Variants in TASOR2 observed in about 807,000 individuals in gnomAD.
The protein encoded by TASOR2 is protein TASOR 2.
Under a neutral mutation model 199.5 loss-of-function variants are expected in TASOR2, and 84 were observed. The ratio of observed to expected loss-of-function variants is 0.42; its 90% CI spans 0.35 to 0.50. The LOEUF is 0.50. Among genes scored for constraint, TASOR2 ranks in the 20% least tolerant of loss-of-function variants. The pLI is 0.02. For missense variants in TASOR2, 2,796 were observed against 2,835.9 expected, an observed-to-expected ratio of 0.99 and a Z score of 0.32; for synonymous variants, 1,103 against 1,046.6, an observed-to-expected ratio of 1.05 and a Z score of -1.04.
intron 1 of TASOR2, among the ~76,000 whole-genome samples, chr10:5,708,204 C>T (rs552124717): frequency 6.6e-6 from 1 of 152,136 alleles, no homozygotes; most frequent in South Asian, 2.1e-4. Flanking sequence ...TCTCTCCCTT[C>T]TTCCCTTAAT....
At chr10:5,721,024 T>C (rs554058478) in intron 6 of TASOR2, 54 bp downstream of exon 7, 2 of 1,405,850 alleles carry the variant, frequency 1.4e-6, no homozygotes, top group Non-Finnish European at 2.0e-6. Context: ...AGTTTTGGGG[T>C]TTTTTTTCCT....
chr10:5,741,665 A>ATTT (rs1836447417), intron 13 of TASOR2, among the ~76,000 whole-genome samples: 3 of 152,240 alleles, frequency 2.0e-5, no homozygotes. Flanking sequence ...GACTTTCTCA[A>ATTT]TTATTAGAAG....
At chr10:5,686,135 A>C (rs548724485) in intron 1 of TASOR2, among the ~76,000 whole-genome samples, 2 of 152,330 alleles carry the variant, frequency 1.3e-5, no homozygotes, top group African/African-American at 4.8e-5. Flanking sequence ...TGTACTGTAC[A>C]TCAATAAATA....
intron 10 of TASOR2, among the ~76,000 whole-genome samples, chr10:5,728,339 T>A (rs7082754): frequency 0.85 from 129,378 of 152,226 alleles, 55,050 homozygotes; most frequent in African/African-American, 0.88. Flanking sequence ...AAAGTTTTTT[T>A]AAAAAATTCA....
rs527265796 is a variant in TASOR2 at position 5,752,310 on chromosome 10, C to T, written c.6606+2283C>T. Reference sequence around the variant, plus strand: ...AAATGTGACGCAGGTGCCACGAGGACGCATTGAGGGTGATTGGCCTGGCCG... The same window carrying T: ...AAATGTGACGCAGGTGCCACGAGGATGCATTGAGGGTGATTGGCCTGGCCG... On this transcript the variant is annotated intron_variant, in intron 15 of 20. Coordinates refer to ENST00000328090, the Ensembl canonical transcript of TASOR2. This position sits in a 1 kb window ranked among gnomAD's most constrained non-coding sequence, Gnocchi z 4.4. 6.6e-5 allele frequency among the ~76,000 whole-genome samples: 10 copies of T among 152,260 alleles called. No individual in the cohort carries two copies. The East Asian group carries it at 1.4e-3, about 21-fold the overall frequency.
At chr10:5,727,800 C>T (rs1564304908) in intron 10 of TASOR2, among the ~76,000 whole-genome samples, 1 of 152,180 alleles carries the variant, frequency 6.6e-6, no homozygotes, top group Non-Finnish European at 1.5e-5. Flanking sequence ...GCTTATTTAT[C>T]ATTCATATAG....
intron 19 of TASOR2, among the ~76,000 whole-genome samples, chr10:5,762,096 C>T (rs1300267661): frequency 2.0e-5 from 3 of 151,958 alleles, no homozygotes; most frequent in Admixed American, 1.3e-4. Context: ...GGCAACTTAG[C>T]GAGACCTCAT....
intron 2 of TASOR2, 149 bp downstream of exon 3, chr10:5,714,356 C>A: frequency 2.3e-6 from 1 of 427,354 alleles, no homozygotes; most frequent in Non-Finnish European, 3.9e-6. Flanking sequence ...TAACTTTAAA[C>A]ATATGAATGA....
rs763413291 is a variant in TASOR2 at position 5,735,559 on chromosome 10, C to G, written c.1447+13C>G. ...CAGCTACAACCTGGTAAGAAATACT[C>G]TTCCTATAAATTTAAACACCCCAAT... On this transcript the variant is annotated intron_variant, in intron 12 of 20. Coordinates refer to ENST00000328090, the Ensembl canonical transcript of TASOR2. The G allele has an allele frequency of 1.3e-5, 21 of 1,610,100 alleles. No homozygotes were observed. In the African/African-American group the frequency reaches 2.0e-4, roughly 15 times the overall value.
chr10:5,736,255 C>T (rs1835563615), intron 12 of TASOR2, among the ~76,000 whole-genome samples: 1 of 152,040 alleles, frequency 6.6e-6, no homozygotes, highest in Admixed American at 6.5e-5. Context: ...CCTGTCTCTA[C>T]TAAAAATACA....
intron 20 of TASOR2, 166 bp from the exon 22 acceptor site, chr10:5,762,863 T>G: frequency 1.5e-6 from 1 of 665,694 alleles, no homozygotes; most frequent in Non-Finnish European, 2.5e-6. Flanking sequence ...AATTACCTAT[T>G]TTATCTAATG....
rs1165236504 is a variant in TASOR2 at position 5,752,444 on chromosome 10, CTGCAGGCCACG to C, written c.6606+2426_6606+2436del. 6.6e-6 allele frequency among the ~76,000 whole-genome samples: 1 copy of C among 152,146 alleles called. No individual in the cohort carries two copies. The highest frequency in any genetic ancestry group is 1.5e-5 in the Non-Finnish European group (1 of 68,018). On this transcript the variant is annotated intron_variant, in intron 15 of 20. Coordinates refer to ENST00000328090, the Ensembl canonical transcript of TASOR2. This position sits in a 1 kb window ranked among gnomAD's most constrained non-coding sequence, Gnocchi z 4.4. ...TGTGTCGGTTCCACACATGAGGGGCCTGCAGGCCACGTGCAGGCCGTGTGTCGGCTCCACAT... is the reference window on the plus strand; with the variant it reads ...TGTGTCGGTTCCACACATGAGGGGCCTGCAGGCCGTGTGTCGGCTCCACAT...
rs1191555317 is a variant in TASOR2, at chr10:5,689,602, A to G, written c.-288+4427A>G. 6.6e-6 allele frequency among the ~76,000 whole-genome samples: 1 copy of G among 152,218 alleles called. No homozygotes were observed. Among genetic ancestry groups the G allele is most frequent in the Non-Finnish European group, 1.5e-5 (1 of 68,032 alleles). ...GCGACAGAGCAAGACTCCATCTCAA[A>G]AAAACAAAAAAACAAGCATGTATGT... is the stretch of plus-strand genomic sequence containing the variant. On this transcript the variant is annotated intron_variant, in intron 1 of 20. Coordinates refer to ENST00000328090, the Ensembl canonical transcript of TASOR2. The surrounding 1 kb of genome is among the most constrained non-coding windows in gnomAD (Gnocchi z 4.1).
chr10:5,756,784 G>A (rs1200296787), intron 16 of TASOR2, 46 bp downstream of exon 17: 2 of 1,596,310 alleles, frequency 1.3e-6, no homozygotes, highest in African/African-American at 1.3e-5. Flanking sequence ...AGGCACATAA[G>A]TTGTTCTGTA....
intron 12 of TASOR2, among the ~76,000 whole-genome samples, chr10:5,739,358 T>C (rs968148859): frequency 6.6e-6 from 1 of 152,208 alleles, no homozygotes; most frequent in African/African-American, 2.4e-5. Context: ...TCCTTAAGAC[T>C]TGTCCCTCTG....
chr10:5,761,633 A>C, intron 19 of TASOR2, 162 bp downstream of exon 20: 1 of 625,002 alleles, frequency 1.6e-6, no homozygotes, highest in Non-Finnish European at 2.8e-6. Context: ...CTTATATAAA[A>C]TGTAGTATTT....
At chr10:5,724,433 G>A in exon 8 of TASOR2, 1 of 1,515,126 alleles carries the variant, frequency 6.6e-7, no homozygotes, top group African/African-American at 1.4e-5. Flanking sequence ...TCTACAGTCT[G>A]TTTTCAAGAT....
In TASOR2 at chr10:5,748,361, C is replaced by T. The variant is rs564686616; in HGVS notation, c.4940C>T (p.Thr1647Ile). The T allele has an allele frequency of 4.3e-6, 7 of 1,614,254 alleles. No individual in the cohort carries two copies. In the East Asian group the frequency reaches 1.3e-4, roughly 31 times the overall value. The change falls in exon 15 of 21, where the codon ACA (threonine) becomes ATA (isoleucine). Residue 1647 changes from threonine to isoleucine, a missense_variant. Thr to Ile is a moderately conservative substitution (Grantham distance 89). Coordinates refer to ENST00000328090, the Ensembl canonical transcript of TASOR2. This position sits in a 1 kb window ranked among gnomAD's most constrained non-coding sequence, Gnocchi z 5.1. Reference sequence around the variant, plus strand: ...GCCTCGGTTGATGGAGCTTATTCTACACAGGGATGCATGTGCTCAGTGGTC... The same window carrying T: ...GCCTCGGTTGATGGAGCTTATTCTATACAGGGATGCATGTGCTCAGTGGTC...
At chr10:5,757,902 T>C (rs1839196635) in intron 17 of TASOR2, among the ~76,000 whole-genome samples, 1 of 152,148 alleles carries the variant, frequency 6.6e-6, no homozygotes, top group Non-Finnish European at 1.5e-5. Context: ...TGCTTCTGAG[T>C]TCCCTCCCTC....
Sources: allele counts gnomAD v4.1 joint callset (sites outside exome capture counted in the v4.1 genomes callset), GRCh38; gene constraint gnomAD v4.1.1; non-coding constraint Gnocchi (gnomAD v3.1); transcripts MANE v1.5; gene names NCBI Gene and HGNC (gene_info 2026-07-23, HGNC 2026-07-21).